Variants in FNDC3B observed in about 807,000 individuals in gnomAD.
FNDC3B encodes fibronectin type III domain-containing protein 3B.
In FNDC3B, 12 loss-of-function variants were observed where a neutral mutation model predicts 151.5. That is an observed-to-expected ratio of 0.08 (90% confidence interval 0.05 to 0.13). The LOEUF is 0.13. FNDC3B is among the 10% of genes least tolerant of loss of function. The pLI, the probability that FNDC3B is intolerant of heterozygous loss-of-function variation, is 1.00. For missense variants in FNDC3B, 1,214 were observed against 1,505.3 expected (o/e 0.81, Z 3.20); for synonymous variants, 528 against 549.0 (o/e 0.96, Z 0.54).
At chr3:172,155,731 T>C (rs1183613436) in intron 3 of FNDC3B, among the ~76,000 whole-genome samples, 1 of 152,206 alleles carries the variant, frequency 6.6e-6, no homozygotes, top group East Asian at 1.9e-4. Flanking sequence ...ATATTAAATA[T>C]GTAATAGGCC....
chr3:172,065,878 G>A (rs549035508), intron 1 of FNDC3B, among the ~76,000 whole-genome samples: 14 of 152,136 alleles, frequency 9.2e-5, no homozygotes, highest in Admixed American at 5.2e-4. Context: ...GTGAGGGGAG[G>A]AAATTGTTGC....
intron 11 of FNDC3B, among the ~76,000 whole-genome samples, chr3:172,312,959 C>T (rs1157186517): frequency 1.3e-5 from 2 of 152,214 alleles, no homozygotes; most frequent in Non-Finnish European, 2.9e-5. Flanking sequence ...TGGTCCATTA[C>T]AGGCTAGCGG....
intron 6 of FNDC3B, among the ~76,000 whole-genome samples, chr3:172,271,370 T>C (rs916880383): frequency 2.0e-5 from 3 of 152,198 alleles, no homozygotes; most frequent in African/African-American, 2.4e-5. Flanking sequence ...ATTTCCTACA[T>C]AGTTTGGGAA....
intron 3 of FNDC3B, among the ~76,000 whole-genome samples, chr3:172,133,908 T>C (rs1326544513): frequency 6.6e-6 from 1 of 152,144 alleles, no homozygotes; most frequent in African/African-American, 2.4e-5. Flanking sequence ...GAGCTTATGT[T>C]ACCGCAGCTG....
chr3:172,132,182 T>A (rs1721139125), intron 2 of FNDC3B, among the ~76,000 whole-genome samples: 1 of 152,012 alleles, frequency 6.6e-6, no homozygotes, highest in African/African-American at 2.4e-5. Context: ...TGGTTGAGGA[T>A]GGAGGAAGGT....
intron 9 of FNDC3B, among the ~76,000 whole-genome samples, chr3:172,300,330 A>C (rs1018870070): frequency 1.1e-4 from 16 of 152,188 alleles, no homozygotes; most frequent in African/African-American, 3.4e-4. Flanking sequence ...TTAACAGTTT[A>C]TTGTTCCTGT....
chr3:172,143,890 A>G (rs1721764346), intron 3 of FNDC3B, among the ~76,000 whole-genome samples: 1 of 150,942 alleles, frequency 6.6e-6, no homozygotes, highest in Non-Finnish European at 1.5e-5. Context: ...GTCTGGTGAC[A>G]GAGTGAGCCT....
intron 1 of FNDC3B, among the ~76,000 whole-genome samples, chr3:172,090,424 A>G (rs1436574909): frequency 9.2e-6 from 1 of 108,180 alleles, no homozygotes; most frequent in Non-Finnish European, 2.1e-5. Flanking sequence ...GTGACCAAAA[A>G]TAAACAAACA....
At chr3:172,067,794 G>A (rs1480081306) in intron 1 of FNDC3B, among the ~76,000 whole-genome samples, 3 of 152,182 alleles carry the variant, frequency 2.0e-5, no homozygotes, top group Non-Finnish European at 4.4e-5. Flanking sequence ...CTCTTTTGTA[G>A]ACCTAGGGAA....
chr3:172,053,649 G>A (rs1235203752), intron 1 of FNDC3B, among the ~76,000 whole-genome samples: 1 of 152,024 alleles, frequency 6.6e-6, no homozygotes, highest in African/African-American at 2.4e-5. Flanking sequence ...GCGGGCACCT[G>A]TAATCCCAGC....
Position 172,133,477 on chromosome 3 carries a change from C to T in FNDC3B, c.118C>T (p.Leu40Phe). ...VNGDAAQQVI[L>F]VQVNPGETFT... Reference sequence around the variant, plus strand: ...TAATGTGTTGTTTTGGCAGGTTATTCTCGTTCAAGTTAATCCAGGTGAGAC... The same window carrying T: ...TAATGTGTTGTTTTGGCAGGTTATTTTCGTTCAAGTTAATCCAGGTGAGAC... The change falls in exon 3 of 26, where the codon CTC (leucine) becomes TTC (phenylalanine). Residue 40 changes from leucine to phenylalanine, a missense_variant. Physicochemically the swap from Leu to Phe is conservative, Grantham distance 22. This residue lies in a region of FNDC3B where 113 missense variants were observed against 177.8 expected (regional missense o/e 0.64). Transcript: ENST00000415807. The T allele has an allele frequency of 6.2e-7, 1 of 1,612,604 alleles. No individual in the cohort carries two copies. Among genetic ancestry groups the T allele is most frequent in the African/African-American group, 1.3e-5 (1 of 75,014 alleles).
chr3:172,190,902 C>T (rs1724474752), intron 3 of FNDC3B, among the ~76,000 whole-genome samples: 1 of 152,210 alleles, frequency 6.6e-6, no homozygotes, highest in African/African-American at 2.4e-5. Context: ...TTCCTGACCT[C>T]AGGTGATCCG....
Position 172,161,770 on chromosome 3 carries a change from G to A in FNDC3B, c.187+28224G>A, listed in dbSNP as rs73041141. The stretch of plus-strand genomic sequence containing the variant: ...ATACAGTTCAGTGGTTTCATATATT[G>A]TGTATCCATCACTACAGTCAGTTTT... On this transcript the variant is annotated intron_variant, in intron 3 of 25. Transcript: ENST00000415807. 3.8e-3 allele frequency among the ~76,000 whole-genome samples: 576 copies of A among 152,220 alleles called. 3 individuals carry two copies. Among genetic ancestry groups the A allele is most frequent in the African/African-American group, 0.013 (557 of 41,520 alleles).
intron 3 of FNDC3B, among the ~76,000 whole-genome samples, chr3:172,199,070 C>T (rs1177958308): frequency 1.3e-5 from 2 of 152,160 alleles, no homozygotes; most frequent in African/African-American, 4.8e-5. Flanking sequence ...CTCAAATGAT[C>T]CTTCCTCCTC....
At chr3:172,323,048 G>A (rs1732171041) in intron 11 of FNDC3B, among the ~76,000 whole-genome samples, 1 of 152,042 alleles carries the variant, frequency 6.6e-6, no homozygotes, top group Non-Finnish European at 1.5e-5. Flanking sequence ...TTGTTTGTTT[G>A]CAGGGAATAT....
intron 1 of FNDC3B, among the ~76,000 whole-genome samples, chr3:172,100,165 C>T (rs1171422191): frequency 5.3e-5 from 8 of 152,090 alleles, no homozygotes; most frequent in Admixed American, 2.6e-4. Flanking sequence ...TTTTAAAACC[C>T]GTTAATGAAT....
intron 25 of FNDC3B, among the ~76,000 whole-genome samples, chr3:172,393,932 C>T (rs1269166469): frequency 6.6e-6 from 1 of 151,216 alleles, no homozygotes; most frequent in Non-Finnish European, 1.5e-5. Context: ...TAGGGTAAAA[C>T]CCCTTCTCTA....
chr3:172,349,612 T>C (rs1407000440), intron 21 of FNDC3B, among the ~76,000 whole-genome samples: 1 of 152,140 alleles, frequency 6.6e-6, no homozygotes, highest in Non-Finnish European at 1.5e-5. Context: ...TCTGATTAGG[T>C]CTGTATGTTA....
intron 4 of FNDC3B, among the ~76,000 whole-genome samples, chr3:172,231,885 T>G (rs2108748787): frequency 6.8e-6 from 1 of 147,766 alleles, no homozygotes; most frequent in African/African-American, 2.5e-5. Flanking sequence ...TACCGTTTTT[T>G]TTTTTTTTTT....
Sources: allele counts gnomAD v4.1 joint callset (sites outside exome capture counted in the v4.1 genomes callset), GRCh38; gene constraint gnomAD v4.1.1; regional missense constraint gnomAD v4.1.1; transcripts MANE v1.5; gene names NCBI Gene and HGNC (gene_info 2026-07-23, HGNC 2026-07-21).